Variants in STXBP6 observed in about 807,000 individuals in gnomAD.
The protein encoded by STXBP6 is syntaxin binding protein 6, also known as syntaxin-binding protein 6.
A neutral mutation model predicts 26.9 loss-of-function variants in STXBP6; 21 were observed. The ratio of observed to expected loss-of-function variants is 0.78; its 90% CI spans 0.55 to 1.12. The LOEUF (loss-of-function observed/expected upper bound fraction) is 1.12. Among genes scored for constraint, STXBP6 ranks in the 50% most tolerant of loss-of-function variants. The probability of loss-of-function intolerance (pLI) is 0.00; values close to 1 mark genes in which losing one functional copy is unlikely to be tolerated. For synonymous variants in STXBP6, 97 were observed against 92.6 expected (o/e 1.05, Z -0.27); for missense variants, 232 against 257.9 (o/e 0.90, Z 0.69).
intron 4 of STXBP6, among the ~76,000 whole-genome samples, chr14:24,845,114 C>T (rs1166211146): frequency 1.3e-5 from 2 of 151,556 alleles, no homozygotes; most frequent in Non-Finnish European, 2.9e-5. Context: ...TGGGTTCAAG[C>T]GATTCTCCTG....
intron 1 of STXBP6, among the ~76,000 whole-genome samples, chr14:24,997,696 T>TAA (rs1336801375): frequency 6.6e-6 from 1 of 152,150 alleles, no homozygotes; most frequent in African/African-American, 2.4e-5. Context: ...AAGTAGAAAA[T>TAA]AAAAGGCTGC....
intron 2 of STXBP6, among the ~76,000 whole-genome samples, chr14:24,893,800 G>GTATCCTTAGTAACTTCCTTAGTAACTGAT (rs2070877809): frequency 6.6e-6 from 1 of 152,170 alleles, no homozygotes; most frequent in Admixed American, 6.5e-5. Context: ...GTAACTGTAA[G>GTATCCTTAGTAACTTCCTTAGTAACTGAT]ATCACAAATA....
At chr14:25,010,272 G>A (rs1192644606) in intron 1 of STXBP6, among the ~76,000 whole-genome samples, 1 of 152,160 alleles carries the variant, frequency 6.6e-6, no homozygotes, top group Non-Finnish European at 1.5e-5. Context: ...AGACTCAGAG[G>A]AAGAACATGT....
At chr14:24,985,381 G>A (rs916832899) in intron 1 of STXBP6, among the ~76,000 whole-genome samples, 2 of 152,194 alleles carry the variant, frequency 1.3e-5, no homozygotes, top group Admixed American at 1.3e-4. Flanking sequence ...CCACAAGGCA[G>A]TTTTATGAGC....
intron 2 of STXBP6, among the ~76,000 whole-genome samples, chr14:24,959,790 A>AG (rs1410159747): frequency 6.6e-6 from 1 of 152,248 alleles, no homozygotes. Flanking sequence ...TTGCTGTATC[A>AG]GCCAAGAATG....
chr14:24,879,661 T>A (rs182890865), intron 2 of STXBP6, among the ~76,000 whole-genome samples: 16 of 152,336 alleles, frequency 1.1e-4, no homozygotes, highest in African/African-American at 3.6e-4. Context: ...GACAAACAAG[T>A]TGACAGAATC....
At chr14:24,884,621 T>G (rs2070499504) in intron 2 of STXBP6, among the ~76,000 whole-genome samples, 1 of 152,210 alleles carries the variant, frequency 6.6e-6, no homozygotes, top group East Asian at 1.9e-4. Flanking sequence ...TGTGCCTCTG[T>G]GTCTTCTCCC....
chr14:25,016,777 A>T (rs932595070), intron 1 of STXBP6, among the ~76,000 whole-genome samples: 1 of 152,214 alleles, frequency 6.6e-6, no homozygotes, highest in Non-Finnish European at 1.5e-5. Context: ...TTAAAAAAAT[A>T]AACAATATAT....
chr14:24,836,902 T>A (rs1229682490), intron 4 of STXBP6, among the ~76,000 whole-genome samples: 11 of 152,212 alleles, frequency 7.2e-5, no homozygotes, highest in Admixed American at 2.6e-4. Context: ...CTTACTAACT[T>A]GCAGCTGCAA....
At chr14:24,869,620 C>T (rs892602969) in intron 2 of STXBP6, among the ~76,000 whole-genome samples, 6 of 152,112 alleles carry the variant, frequency 3.9e-5, no homozygotes, top group Admixed American at 2.0e-4. Flanking sequence ...GTGCCTAAAT[C>T]GCATCATAAT....
chr14:25,049,723 G>T lies in STXBP6; in HGVS notation c.-33+155C>A, dbSNP rs2075776966. The stretch of plus-strand genomic sequence containing the variant: ...CCCTCTCCCGCCACCCGCCAACTTG[G>T]AAGAATCTCTCTGGGAGCCTGCCTA... On this transcript the variant is annotated intron_variant, in intron 1 of 5. Coordinates refer to ENST00000323944, the MANE Select transcript of STXBP6 (RefSeq NM_001394410.1). This position sits in a 1 kb window ranked among gnomAD's most constrained non-coding sequence, Gnocchi z 5.6. 1 of 985,668 alleles carries T rather than the reference G, an allele frequency of 1.0e-6. No homozygotes were observed. The highest frequency in any genetic ancestry group is 4.7e-5 in the South Asian group (1 of 21,284). The allele number at this position is 985,668 out of a possible 1,614,324, so 61.1% of individuals were successfully genotyped here.
At chr14:24,848,963 G>T (rs1303190285) in intron 4 of STXBP6, among the ~76,000 whole-genome samples, 1 of 152,090 alleles carries the variant, frequency 6.6e-6, no homozygotes. Context: ...CACAGTTTCT[G>T]CTGAATGTCA....
At chr14:24,857,712 G>A (rs1014351963) in intron 2 of STXBP6, among the ~76,000 whole-genome samples, 2 of 151,772 alleles carry the variant, frequency 1.3e-5, no homozygotes, top group African/African-American at 4.8e-5. Context: ...TGTTCAGTTT[G>A]TATCTAGTTT....
intron 1 of STXBP6, among the ~76,000 whole-genome samples, chr14:25,038,195 C>T (rs1309992359): frequency 6.6e-6 from 1 of 152,132 alleles, no homozygotes; most frequent in Non-Finnish European, 1.5e-5. Flanking sequence ...ATACAAACAT[C>T]AGAATGGCTA....
At chr14:24,819,508 T>C in intron 4 of STXBP6, 1 of 518,642 alleles carries the variant, frequency 1.9e-6, no homozygotes. Flanking sequence ...CCTGTCTGGA[T>C]TTACAACTTG....
At chr14:24,858,328 A>G (rs952307121) in intron 2 of STXBP6, among the ~76,000 whole-genome samples, 6 of 152,082 alleles carry the variant, frequency 3.9e-5, no homozygotes, top group Non-Finnish European at 8.8e-5. Flanking sequence ...GACAAAGGAA[A>G]GGTGGCCACT....
chr14:24,977,423 A>AAG (rs1491571447), intron 1 of STXBP6, among the ~76,000 whole-genome samples: 4 of 151,174 alleles, frequency 2.6e-5, no homozygotes, highest in African/African-American at 4.8e-5. Flanking sequence ...GACCAAGAAC[A>AAG]AGAGAGAGAG....
At chr14:24,976,880 T>TTTTTTTTTTTG (rs2074060892) in intron 1 of STXBP6, among the ~76,000 whole-genome samples, 1 of 136,084 alleles carries the variant, frequency 7.3e-6, no homozygotes, top group Non-Finnish European at 1.6e-5. Context: ...TTTTTTTTTT[T>TTTTTTTTTTTG]GAGGCAGAGT....
At chr14:24,932,144 C>T (rs970262605) in intron 2 of STXBP6, among the ~76,000 whole-genome samples, 1 of 152,150 alleles carries the variant, frequency 6.6e-6, no homozygotes, top group Admixed American at 6.5e-5. Context: ...CACGGTGGCT[C>T]ATGCCTGTAA....
Sources: allele counts gnomAD v4.1 joint callset (sites outside exome capture counted in the v4.1 genomes callset), GRCh38; gene constraint gnomAD v4.1.1; non-coding constraint Gnocchi (gnomAD v3.1); transcripts MANE v1.5; gene names NCBI Gene and HGNC (gene_info 2026-07-23, HGNC 2026-07-21).